SLC39A11: variants seen among roughly 807,000 people sequenced by gnomAD.
The protein encoded by SLC39A11 is zinc transporter ZIP11.
A neutral mutation model predicts 36.1 loss-of-function variants in SLC39A11; 33 were observed. That is an observed-to-expected ratio of 0.91 (90% CI 0.69 to 1.22). The LOEUF (loss-of-function observed/expected upper bound fraction) is 1.22, where lower values mean the gene tolerates loss of function less well. Ranked by LOEUF, SLC39A11 falls within the 50% of genes most tolerant of loss-of-function variation. The probability of loss-of-function intolerance (pLI) is 0.00; values close to 1 mark genes in which losing one functional copy is unlikely to be tolerated. For missense variants in SLC39A11, 432 were observed against 430.3 expected, an observed-to-expected ratio of 1.00 and a Z score of -0.03; for synonymous variants, 166 against 170.3, an observed-to-expected ratio of 0.97 and a Z score of 0.20.
chr17:72,823,671 C>T (rs2077891464), intron 6 of SLC39A11: 2 of 151,468 alleles, frequency 1.3e-5, no homozygotes, highest in East Asian at 1.9e-4. Context: ...TTAAACATTG[C>T]TCAATAATCC....
intron 5 of SLC39A11, among the ~76,000 whole-genome samples, chr17:72,931,767 G>A (rs2084412936): frequency 6.6e-6 from 1 of 152,194 alleles, no homozygotes; most frequent in Non-Finnish European, 1.5e-5. Flanking sequence ...AATCCTTTCA[G>A]TGACAGGGAG....
At chr17:72,873,460 C>T (rs2080746646) in intron 5 of SLC39A11, among the ~76,000 whole-genome samples, 1 of 151,368 alleles carries the variant, frequency 6.6e-6, no homozygotes, top group African/African-American at 2.4e-5. Context: ...ATCCTTCCAA[C>T]TTGGCTGGCC....
At chr17:72,955,168 A>G (rs2086153926) in intron 4 of SLC39A11, among the ~76,000 whole-genome samples, 1 of 152,108 alleles carries the variant, frequency 6.6e-6, no homozygotes, top group African/African-American at 2.4e-5. Flanking sequence ...GGTTTTTAAA[A>G]TCTTGGCCAA....
chr17:72,808,551 C>G (rs917793016), intron 6 of SLC39A11, among the ~76,000 whole-genome samples: 1 of 152,160 alleles, frequency 6.6e-6, no homozygotes, highest in Non-Finnish European at 1.5e-5. Flanking sequence ...GTAGGTATAG[C>G]TAAATGACAG....
At chr17:72,977,193 G>A (rs555162291) in intron 4 of SLC39A11, among the ~76,000 whole-genome samples, 1 of 152,334 alleles carries the variant, frequency 6.6e-6, no homozygotes, top group South Asian at 2.1e-4. Context: ...TGAAGAAGCA[G>A]GGAGCCACAT....
At chr17:73,070,907 T>G (rs2060143087) in intron 3 of SLC39A11, among the ~76,000 whole-genome samples, 1 of 152,176 alleles carries the variant, frequency 6.6e-6, no homozygotes, top group South Asian at 2.1e-4. Context: ...CTTTTGTAAA[T>G]TGCCCAGTCT....
chr17:73,076,682 T>G (rs1226913724), intron 3 of SLC39A11, among the ~76,000 whole-genome samples: 1 of 152,196 alleles, frequency 6.6e-6, no homozygotes, highest in African/African-American at 2.4e-5. Flanking sequence ...GATGGCACAT[T>G]TCACTGACCT....
chr17:72,802,590 C>CAAA (rs56050103), intron 6 of SLC39A11, among the ~76,000 whole-genome samples: 6 of 112,762 alleles, frequency 5.3e-5, no homozygotes, highest in African/African-American at 2.0e-4. Flanking sequence ...AACTCCATCT[C>CAAA]AAAAAAAAAA....
intron 5 of SLC39A11, among the ~76,000 whole-genome samples, chr17:72,856,618 A>G (rs1025678531): frequency 1.3e-5 from 2 of 152,206 alleles, no homozygotes; most frequent in African/African-American, 4.8e-5. Flanking sequence ...TTCCTTATGG[A>G]ACTATGTAGT....
chr17:72,867,257 T>C (rs1385473864), intron 5 of SLC39A11, among the ~76,000 whole-genome samples: 2 of 152,092 alleles, frequency 1.3e-5, no homozygotes, highest in African/African-American at 2.4e-5. Flanking sequence ...CCCAGCACTT[T>C]AGGAGGCCAA....
chr17:73,027,824 G>A (rs975625688), intron 4 of SLC39A11, among the ~76,000 whole-genome samples: 12 of 152,150 alleles, frequency 7.9e-5, no homozygotes, highest in Middle Eastern at 3.2e-3. Context: ...TCAAATCAGG[G>A]CACTGCTGCA....
At chr17:73,016,392 G>A (rs2058168404) in intron 4 of SLC39A11, among the ~76,000 whole-genome samples, 1 of 151,324 alleles carries the variant, frequency 6.6e-6, no homozygotes. Flanking sequence ...AGAGTGCAGT[G>A]GCATGATCTC....
chr17:72,822,255 T>G lies in SLC39A11; in HGVS notation c.601+27379A>C, dbSNP rs141714985. Among the ~76,000 whole-genome samples the G allele has an allele frequency of 4.5e-3, 664 of 147,750 alleles. 12 individuals are homozygous for G. Among genetic ancestry groups the G allele is most frequent in the African/African-American group, 0.014 (568 of 40,670 alleles). Reference sequence around the variant, plus strand: ...ATACTATACACACATACTATATATATATAGAGAGAGAGAATATATATAGAG... The same window carrying G: ...ATACTATACACACATACTATATATAGATAGAGAGAGAGAATATATATAGAG... On this transcript the variant is annotated intron_variant, in intron 6 of 9. Coordinates refer to ENST00000255559, the MANE Select transcript of SLC39A11 (RefSeq NM_139177.4).
intron 4 of SLC39A11, among the ~76,000 whole-genome samples, chr17:72,965,494 G>A (rs2086902853): frequency 6.6e-6 from 1 of 152,126 alleles, no homozygotes; most frequent in South Asian, 2.1e-4. Flanking sequence ...GTTTCATGAG[G>A]TATTCAACAC....
chr17:72,970,559 TAC>T (rs2148037606), intron 4 of SLC39A11, among the ~76,000 whole-genome samples: 1 of 151,608 alleles, frequency 6.6e-6, no homozygotes, highest in Non-Finnish European at 1.5e-5. Flanking sequence ...AGCTTAAAGC[TAC>T]ACACACAAAA....
chr17:72,966,576 GTTCT>G (rs764197845), intron 4 of SLC39A11, among the ~76,000 whole-genome samples: 9 of 21,464 alleles, frequency 4.2e-4, no homozygotes, highest in Non-Finnish European at 3.6e-3. Flanking sequence ...TATTGTTGTT[GTTCT>G]TTTTTTTGAG....
At chr17:72,788,537 G>A (rs1415195503) in intron 6 of SLC39A11, among the ~76,000 whole-genome samples, 3 of 152,202 alleles carry the variant, frequency 2.0e-5, no homozygotes, top group African/African-American at 7.2e-5. Flanking sequence ...TGTCTTTGCT[G>A]TACTGCTTCC....
At chr17:72,904,522 G>A (rs545052499) in intron 5 of SLC39A11, among the ~76,000 whole-genome samples, 14 of 152,296 alleles carry the variant, frequency 9.2e-5, no homozygotes, top group African/African-American at 3.1e-4. Context: ...CTCTGAGCAG[G>A]TGCAGGGCCA....
At chr17:72,864,414 G>A (rs1018745617) in intron 5 of SLC39A11, among the ~76,000 whole-genome samples, 5 of 151,396 alleles carry the variant, frequency 3.3e-5, no homozygotes, top group African/African-American at 9.7e-5. Flanking sequence ...TTTACCTGCA[G>A]ATCTGTCCTT....
Sources: gnomAD v4.1 joint callset for allele counts (sites outside exome capture counted in the v4.1 genomes callset) on GRCh38, gnomAD v4.1.1 for gene constraint, MANE v1.5 for transcripts, NCBI Gene and HGNC (gene_info 2026-07-23, HGNC 2026-07-21) for gene names.